Variants in SMPX observed in about 807,000 individuals in gnomAD.
SMPX encodes small muscle protein X-linked.
In SMPX, 2 loss-of-function variants were observed where a neutral mutation model predicts 6.3. The ratio of observed to expected loss-of-function variants is 0.32; its 90% confidence interval spans 0.13 to 0.99. The LOEUF is 0.99. Among genes scored for constraint, SMPX ranks in the 50% least tolerant of loss-of-function variants. The pLI, the probability that SMPX is intolerant of heterozygous loss-of-function variation, is 0.49. For synonymous variants in SMPX, 32 were observed against 24.7 expected, an observed-to-expected ratio of 1.30 and a Z score of -0.88; for missense variants, 60 against 66.8, an observed-to-expected ratio of 0.90 and a Z score of 0.36.
intron 4 of SMPX, among the ~76,000 whole-genome samples, chrX:21,709,657 G>C (rs1467059733): frequency 8.9e-6 from 1 of 111,906 alleles, no homozygotes; most frequent in Non-Finnish European, 1.9e-5. Flanking sequence ...ATCCAGGAGT[G>C]TTGGGTTGAT....
At chrX:21,715,197 G>A (rs1251484546) in intron 4 of SMPX, among the ~76,000 whole-genome samples, 1 of 110,631 alleles carries the variant, frequency 9.0e-6, no homozygotes, top group East Asian at 2.8e-4. Flanking sequence ...TTATGGAAAG[G>A]AAGAAAGCAT....
intron 4 of SMPX, among the ~76,000 whole-genome samples, chrX:21,732,343 C>A (rs1175059417): frequency 8.9e-6 from 1 of 112,155 alleles, no homozygotes; most frequent in Non-Finnish European, 1.9e-5. Context: ...TGACATTTTC[C>A]TTAATTTTTT....
At chrX:21,754,393 A>G in intron 1 of SMPX, 91 bp from the exon 2 acceptor site, 1 of 723,631 alleles carries the variant, frequency 1.4e-6, no homozygotes, top group South Asian at 2.1e-5. Flanking sequence ...TCAACTGGGC[A>G]GTCACCCCTT....
At chrX:21,733,899 T>C (rs2092807760) in intron 4 of SMPX, 1 of 233,960 alleles carries the variant, frequency 4.3e-6, no homozygotes, top group Admixed American at 5.6e-5. Flanking sequence ...GACACTCCAT[T>C]TGTCCAGAGG....
intron 4 of SMPX, among the ~76,000 whole-genome samples, chrX:21,715,312 G>GCGCA (rs1488855424): frequency 9.6e-5 from 10 of 104,315 alleles, no homozygotes; most frequent in Admixed American, 8.8e-4. Flanking sequence ...GTGCGCGCAC[G>GCGCA]CGCGCGCGCT....
intron 4 of SMPX, among the ~76,000 whole-genome samples, chrX:21,737,189 T>G (rs1602107328): frequency 1.8e-5 from 2 of 111,537 alleles, no homozygotes; most frequent in Non-Finnish European, 3.8e-5. Context: ...CTTTTTGTGA[T>G]ACCTGGGTGA....
chrX:21,752,304 A>G (rs1415528276), intron 2 of SMPX, among the ~76,000 whole-genome samples: 2 of 111,660 alleles, frequency 1.8e-5, no homozygotes, highest in East Asian at 5.6e-4. Flanking sequence ...TAAAAGGAAG[A>G]GGGAAAAAAG....
At chrX:21,733,755 C>G (rs1421857916) in intron 4 of SMPX, 2 of 327,817 alleles carry the variant, frequency 6.1e-6, no homozygotes, top group Admixed American at 6.2e-5. Flanking sequence ...AGTTCTTTTA[C>G]CACTGGAAAA....
intron 4 of SMPX, among the ~76,000 whole-genome samples, chrX:21,731,796 G>A (rs1188431180): frequency 1.0e-5 from 1 of 95,958 alleles, no homozygotes; most frequent in East Asian, 3.5e-4. Context: ...GTGTATATGT[G>A]TATATGTACA....
intron 2 of SMPX, among the ~76,000 whole-genome samples, chrX:21,744,288 C>T (rs1162476718): frequency 8.9e-6 from 1 of 111,771 alleles, no homozygotes; most frequent in South Asian, 3.8e-4. Context: ...GACATTTACA[C>T]GCCCTAAGCT....
intron 4 of SMPX, among the ~76,000 whole-genome samples, chrX:21,714,345 A>G (rs1034403488): frequency 8.9e-6 from 1 of 112,031 alleles, no homozygotes; most frequent in Non-Finnish European, 1.9e-5. Context: ...CCAGTTTTAT[A>G]CTGTATAAAT....
At position 21,706,117 on chromosome X, in the gene SMPX, T is replaced by C. The variant is rs1483073296; in HGVS notation, c.*292A>G. The C allele has an allele frequency of 2.0e-6, 1 of 511,531 alleles. No individual in the cohort carries two copies. The highest frequency in any genetic ancestry group is 2.3e-5 in the African/African-American group (1 of 43,330). 42.2% of individuals were successfully genotyped at this position (511,531 alleles called of 1,213,427 possible). A position where few individuals can be genotyped will look rare whatever the true frequency, so the allele number is the denominator to read the frequency against. ...TTGGGAAACTTTTCATCAAAATCGT[T>C]AGGCACATTGCCATATCATTCTCCA... On this transcript the variant is annotated 3_prime_UTR_variant, in exon 5 of 5. Coordinates refer to ENST00000379494, the MANE Select transcript of SMPX (RefSeq NM_014332.3).
chrX:21,710,269 G>A (rs2092777170), intron 4 of SMPX, among the ~76,000 whole-genome samples: 1 of 112,107 alleles, frequency 8.9e-6, no homozygotes, highest in Non-Finnish European at 1.9e-5. Context: ...CTTGGATGGA[G>A]CTGAAGGTCA....
intron 4 of SMPX, among the ~76,000 whole-genome samples, chrX:21,720,118 G>A (rs939320804): frequency 2.7e-5 from 3 of 112,266 alleles, no homozygotes; most frequent in Non-Finnish European, 5.6e-5. Context: ...AGTCCCCTTC[G>A]ACATAGAATA....
chrX:21,757,425 TA>T (rs1197091059), intron 1 of SMPX, among the ~76,000 whole-genome samples: 4 of 111,833 alleles, frequency 3.6e-5, no homozygotes, highest in African/African-American at 1.3e-4. Flanking sequence ...AGTGAAGATT[TA>T]AAAAGATGGT....
At chrX:21,734,228 C>G (rs1342980445) in intron 4 of SMPX, among the ~76,000 whole-genome samples, 1 of 111,662 alleles carries the variant, frequency 9.0e-6, no homozygotes, top group East Asian at 2.8e-4. Flanking sequence ...TTCAAGGGTT[C>G]TTTACTGAGT....
At chrX:21,754,027 T>C (rs2092830151) in intron 2 of SMPX, among the ~76,000 whole-genome samples, 1 of 112,703 alleles carries the variant, frequency 8.9e-6, no homozygotes, top group Non-Finnish European at 1.9e-5. Flanking sequence ...TTCTCACTTA[T>C]AAACTGATTG....
At chrX:21,714,170 C>T (rs1237836778) in intron 4 of SMPX, among the ~76,000 whole-genome samples, 1 of 111,667 alleles carries the variant, frequency 9.0e-6, no homozygotes, top group African/African-American at 3.3e-5. Context: ...AACCATCAAT[C>T]ATGAGATAAG....
In SMPX at chrX:21,714,354, ATTAT is replaced by A. The variant is rs201196877; in HGVS notation, c.*15-7964_*15-7961del. Among the ~76,000 whole-genome samples, 525 of 112,301 alleles carry A rather than the reference ATTAT, an allele frequency of 4.7e-3. 1 individual carries two copies. Among genetic ancestry groups the A allele is most frequent in the African/African-American group, 0.015 (467 of 30,899 alleles). On this transcript the variant is annotated intron_variant, in intron 4 of 4. Transcript: ENST00000379494. ...ATTTTTCCAGTTTTATACTGTATAA[ATTAT>A]TTATCATTCATTATATCACAAATAG...
Sources: gnomAD v4.1 joint callset for allele counts (sites outside exome capture counted in the v4.1 genomes callset) on GRCh38, gnomAD v4.1.1 for gene constraint, MANE v1.5 for transcripts, NCBI Gene and HGNC (gene_info 2026-07-23, HGNC 2026-07-21) for gene names.